CTIF: variants seen among roughly 807,000 people sequenced by gnomAD.
The protein encoded by CTIF is CBP80/20-dependent translation initiation factor.
CTIF carries 21 observed loss-of-function variants against 66.0 expected under a neutral mutation model. The observed-to-expected ratio is 0.32, with a 90% CI of 0.23 to 0.46. The LOEUF is 0.46. Among genes scored for constraint, CTIF ranks in the 20% least tolerant of loss-of-function variants. The pLI, the probability that CTIF is intolerant of heterozygous loss-of-function variation, is 1.00. For missense variants in CTIF, 739 were observed against 812.7 expected, an observed-to-expected ratio of 0.91 and a Z score of 1.10; for synonymous variants, 345 against 326.4, an observed-to-expected ratio of 1.06 and a Z score of -0.62.
At chr18:48,654,173 A>G (rs1451994714) in intron 3 of CTIF, among the ~76,000 whole-genome samples, 5 of 152,346 alleles carry the variant, frequency 3.3e-5, no homozygotes, top group African/African-American at 9.6e-5. Flanking sequence ...AGAAACTACC[A>G]TAAGAGTGAA....
chr18:48,643,436 C>T (rs917634522), intron 3 of CTIF, among the ~76,000 whole-genome samples: 1 of 152,216 alleles, frequency 6.6e-6, no homozygotes, highest in Non-Finnish European at 1.5e-5. Flanking sequence ...TGTCTAGACT[C>T]TCCCTGGCCT....
chr18:48,747,793 C>T (rs1350115415), intron 7 of CTIF, among the ~76,000 whole-genome samples: 1 of 151,496 alleles, frequency 6.6e-6, no homozygotes, highest in Non-Finnish European at 1.5e-5. Context: ...TGTCACGAGC[C>T]TGTAGTCCTC....
chr18:48,650,755 A>G (rs1234859279), intron 3 of CTIF, among the ~76,000 whole-genome samples: 2 of 152,250 alleles, frequency 1.3e-5, no homozygotes, highest in African/African-American at 4.8e-5. Flanking sequence ...AAGAAAGCCC[A>G]TCAGACTAAC....
intron 2 of CTIF, 85 bp from the exon 3 acceptor site, chr18:48,636,529 G>A: frequency 2.0e-6 from 2 of 992,210 alleles, no homozygotes; most frequent in East Asian, 3.1e-5. Flanking sequence ...AATGGGGAAG[G>A]CCAGGGCACA....
chr18:48,774,154 G>A (rs1477462039), intron 9 of CTIF, among the ~76,000 whole-genome samples: 1 of 152,140 alleles, frequency 6.6e-6, no homozygotes, highest in East Asian at 1.9e-4. Context: ...GTTACTCTGA[G>A]GCCAATCGGC....
At chr18:48,584,448 A>G (rs2143858817) in intron 1 of CTIF, among the ~76,000 whole-genome samples, 1 of 152,316 alleles carries the variant, frequency 6.6e-6, no homozygotes, top group East Asian at 1.9e-4. Context: ...GAACATTGCC[A>G]TCACCCAGGA....
chr18:48,577,297 T>C (rs1333604729), intron 1 of CTIF, among the ~76,000 whole-genome samples: 6 of 152,194 alleles, frequency 3.9e-5, no homozygotes, highest in Admixed American at 1.3e-4. Flanking sequence ...TTGGCCCTAT[T>C]CTTTCACCCT....
At chr18:48,600,208 C>T (rs772228297) in intron 1 of CTIF, among the ~76,000 whole-genome samples, 6 of 151,998 alleles carry the variant, frequency 3.9e-5, no homozygotes, top group Non-Finnish European at 8.8e-5. Context: ...TAGGGAGCTC[C>T]CAGGGTGGGG....
Position 48,824,015 on chromosome 18 carries a change from A to ACACAC in CTIF, c.1527+6639_1527+6640insCACAC, listed in dbSNP as rs1568247744. On this transcript the variant is annotated intron_variant, in intron 10 of 11. Coordinates refer to ENST00000256413, the MANE Select transcript of CTIF (RefSeq NM_014772.3). ...ACACACACACACACACACACACACA[A>ACACAC]ACTGCTAGAACTAATAAATGAATTC... is the stretch of plus-strand genomic sequence containing the variant. Among the ~76,000 whole-genome samples, 12 of 87,232 alleles carry ACACAC rather than the reference A, an allele frequency of 1.4e-4. No individual in the cohort carries two copies. The East Asian group carries it at 4.0e-3, about 29-fold the overall frequency. The allele number at this position is 87,232 out of a possible 152,430, so 57.2% of individuals were successfully genotyped here. A position where few individuals can be genotyped will look rare whatever the true frequency, so the allele number is the denominator to read the frequency against.
At chr18:48,788,776 G>GA (rs1568219301) in intron 9 of CTIF, among the ~76,000 whole-genome samples, 1 of 152,150 alleles carries the variant, frequency 6.6e-6, no homozygotes, top group Non-Finnish European at 1.5e-5. Context: ...GGTCACTACA[G>GA]AAAAAATGAG....
In CTIF at chr18:48,664,502, A is replaced by G. The variant is rs755133509; in HGVS notation, c.382A>G (p.Lys128Glu). ...EKLDFTQFHR[K>E]VRHTPKQPLP... ...GCTGGACTTCACCCAGTTCCACCGCAAAGTCCGACACACGCCCAAGCAGCC... is the reference window on the plus strand; with the variant it reads ...GCTGGACTTCACCCAGTTCCACCGCGAAGTCCGACACACGCCCAAGCAGCC... Residue 128 changes from lysine to glutamate, a missense_variant, in exon 5 of 12, where the codon AAA becomes GAA. Lys to Glu is a moderately conservative substitution (Grantham distance 56, BLOSUM62 1). Coordinates refer to ENST00000256413, the MANE Select transcript of CTIF (RefSeq NM_014772.3). 3.1e-6 allele frequency: 5 copies of G among 1,613,336 alleles called. No individual in the cohort carries two copies. The Admixed American group carries it at 6.7e-5, about 22-fold the overall frequency.
At chr18:48,568,242 A>ATATTCCTG (rs145259277) in intron 1 of CTIF, 99 of 152,282 alleles carry the variant, frequency 6.5e-4, no homozygotes, top group African/African-American at 2.2e-3. Context: ...GAGAAATCTC[A>ATATTCCTG]TATTCCTGTG....
At chr18:48,733,715 C>T (rs1201082469) in intron 7 of CTIF, among the ~76,000 whole-genome samples, 1 of 152,186 alleles carries the variant, frequency 6.6e-6, no homozygotes, top group East Asian at 1.9e-4. Context: ...ATTTGCAGCC[C>T]GTGATGAAGT....
chr18:48,712,626 G>A (rs12608392), intron 7 of CTIF, among the ~76,000 whole-genome samples: 3 of 152,312 alleles, frequency 2.0e-5, no homozygotes, highest in African/African-American at 4.8e-5. Flanking sequence ...TAAAGATGAC[G>A]GCTTTTGGTT....
chr18:48,568,627 A>T (rs2089330243), intron 1 of CTIF, among the ~76,000 whole-genome samples: 1 of 124,926 alleles, frequency 8.0e-6, no homozygotes, highest in African/African-American at 3.3e-5. Context: ...GAGACTGGGC[A>T]ATTTGTAAAA....
intron 1 of CTIF, among the ~76,000 whole-genome samples, chr18:48,588,282 C>T (rs914295217): frequency 1.3e-5 from 2 of 152,226 alleles, no homozygotes; most frequent in African/African-American, 4.8e-5. Context: ...CAGCATTCCC[C>T]AGAACCCATT....
At chr18:48,635,704 A>C (rs2090808124) in intron 2 of CTIF, among the ~76,000 whole-genome samples, 1 of 152,168 alleles carries the variant, frequency 6.6e-6, no homozygotes, top group African/African-American at 2.4e-5. Flanking sequence ...CTAATGTTTA[A>C]TACAATAGTA....
rs549807531 is a variant in CTIF at position 48,857,454 on chromosome 18, C to G, written c.1528-134C>G. On this transcript the variant is annotated intron_variant, in intron 10 of 11. Transcript: ENST00000256413. The stretch of plus-strand genomic sequence containing the variant: ...TGACTTTTGTGGGCTCTCACTCTAG[C>G]CTGAACCTTGGAGATGTTTGTTACA... 3 of 733,116 alleles carry G rather than the reference C, an allele frequency of 4.1e-6. No homozygotes were observed. The East Asian group carries it at 8.4e-5, about 21-fold the overall frequency. The allele number at this position is 733,116 out of a possible 1,614,324, so 45.4% of individuals were successfully genotyped here.
intron 1 of CTIF, among the ~76,000 whole-genome samples, chr18:48,599,979 C>T (rs2090061426): frequency 6.6e-6 from 1 of 152,188 alleles, no homozygotes; most frequent in Non-Finnish European, 1.5e-5. Flanking sequence ...GTGGCCAATC[C>T]ACTTTGAGGG....
Sources: allele counts gnomAD v4.1 joint callset (sites outside exome capture counted in the v4.1 genomes callset), GRCh38; gene constraint gnomAD v4.1.1; transcripts MANE v1.5; gene names NCBI Gene and HGNC (gene_info 2026-07-23, HGNC 2026-07-21).